Variants in CLDN14 observed in about 807,000 individuals in gnomAD.
The protein encoded by CLDN14 is claudin-14.
A neutral mutation model predicts 2.1 loss-of-function variants in CLDN14; 2 were observed. The ratio of observed to expected loss-of-function variants is 0.96; its 90% CI spans 0.39 to 3.01. CLDN14 has a LOEUF of 3.01. CLDN14 is among the 30% of genes most tolerant of loss of function. CLDN14 has a pLI of 0.09. For synonymous variants in CLDN14, 136 were observed against 154.4 expected (o/e 0.88, Z 0.88); for missense variants, 298 against 328.0 (o/e 0.91, Z 0.71).
intron 1 of CLDN14, among the ~76,000 whole-genome samples, chr21:36,564,779 A>G (rs2087661011): frequency 6.6e-6 from 1 of 152,244 alleles, no homozygotes; most frequent in Non-Finnish European, 1.5e-5. Context: ...AGCCCAATGT[A>G]GTACCAAGGG....
intron 1 of CLDN14, among the ~76,000 whole-genome samples, chr21:36,528,540 G>A (rs2087353280): frequency 6.6e-6 from 1 of 152,134 alleles, no homozygotes; most frequent in Non-Finnish European, 1.5e-5. Flanking sequence ...TTCCTACCAG[G>A]CTTCAGGTCT....
chr21:36,517,936 T>G (rs1388604907), intron 1 of CLDN14, among the ~76,000 whole-genome samples: 1 of 152,196 alleles, frequency 6.6e-6, no homozygotes, highest in Non-Finnish European at 1.5e-5. Flanking sequence ...GACTTCTGCC[T>G]GCAGATGGCC....
chr21:36,535,064 T>C (rs1250145675), intron 1 of CLDN14, among the ~76,000 whole-genome samples: 1 of 152,220 alleles, frequency 6.6e-6, no homozygotes, highest in African/African-American at 2.4e-5. Flanking sequence ...TACAGTGCAT[T>C]GATTCAATAG....
chr21:36,492,975 G>A (rs1240549963), intron 2 of CLDN14, among the ~76,000 whole-genome samples: 1 of 152,206 alleles, frequency 6.6e-6, no homozygotes, highest in Non-Finnish European at 1.5e-5. Context: ...GAGCCACTGT[G>A]TCTTTGTGGG....
At chr21:36,573,291 ACT>A (rs761399516) in intron 1 of CLDN14, among the ~76,000 whole-genome samples, 23 of 120,594 alleles carry the variant, frequency 1.9e-4, no homozygotes, top group Non-Finnish European at 3.1e-4. Flanking sequence ...ACAGAGCAAG[ACT>A]CTGTCTCAAA....
At chr21:36,462,404 C>T (rs1003139316) in intron 1 of CLDN14, among the ~76,000 whole-genome samples, 18 of 152,108 alleles carry the variant, frequency 1.2e-4, no homozygotes, top group African/African-American at 4.1e-4. Context: ...AGCATCCCTC[C>T]TCTCCAGCAC....
rs143202991 is a variant in CLDN14 at position 36,559,172 on chromosome 21, G to GTTTTA, written c.-220+17234_-220+17238dup. On this transcript the variant is annotated intron_variant, in intron 1 of 2. Coordinates refer to the CLDN14 transcript ENST00000342108. ...TTTTCCTATTCCTAGTTTGTTGAGA[G>GTTTTA]TTTTATTTTATTTTATTTTATTTTA... Among the ~76,000 whole-genome samples the GTTTTA allele has an allele frequency of 4.4e-3, 652 of 148,864 alleles. 5 individuals carry two copies. The highest frequency in any genetic ancestry group is 0.01 in the Middle Eastern group (3 of 292).
At chr21:36,528,985 G>A (rs1389613054) in intron 1 of CLDN14, among the ~76,000 whole-genome samples, 1 of 152,178 alleles carries the variant, frequency 6.6e-6, no homozygotes, top group Admixed American at 6.5e-5. Flanking sequence ...ACCTGCCCAG[G>A]AGACTACCCC....
rs34426860 is a variant in CLDN14 at position 36,560,223 on chromosome 21, GTT to G, written c.-220+16186_-220+16187del. 2.8e-3 allele frequency among the ~76,000 whole-genome samples: 396 copies of G among 143,646 alleles called. 1 individual carries two copies. Among genetic ancestry groups the G allele is most frequent in the Middle Eastern group, 7.0e-3 (2 of 286 alleles). The allele number at this position is 143,646 out of a possible 152,430, so 94.2% of individuals were successfully genotyped here. On this transcript the variant is annotated intron_variant, in intron 1 of 2. Coordinates refer to the CLDN14 transcript ENST00000342108. ...CTTTCTATTCCTAGTTTGTTGAGAGGTTTTTTTTTTTTTTGAGACAGATTTTC... is the reference window on the plus strand; with the variant it reads ...CTTTCTATTCCTAGTTTGTTGAGAGGTTTTTTTTTTTTGAGACAGATTTTC...
At chr21:36,545,548 T>C (rs1346173997) in intron 1 of CLDN14, among the ~76,000 whole-genome samples, 1 of 152,218 alleles carries the variant, frequency 6.6e-6, no homozygotes, top group Non-Finnish European at 1.5e-5. Flanking sequence ...TGTGCCTATA[T>C]TTCTCTTAAG....
At chr21:36,484,712 C>CT (rs373280104), upstream of CLDN14, among the ~76,000 whole-genome samples, 35 of 149,848 alleles carry the variant, frequency 2.3e-4, no homozygotes, top group East Asian at 9.8e-4. Flanking sequence ...TTCTAAGAAG[C>CT]TTTTTTTTTT....
At chr21:36,525,965 C>T (rs1237676949) in intron 1 of CLDN14, among the ~76,000 whole-genome samples, 2 of 152,122 alleles carry the variant, frequency 1.3e-5, no homozygotes, top group African/African-American at 4.8e-5. Flanking sequence ...GGAAGCGGCA[C>T]GATGAAGGTA....
At chr21:36,524,158 G>A (rs920791946) in intron 1 of CLDN14, among the ~76,000 whole-genome samples, 5 of 150,404 alleles carry the variant, frequency 3.3e-5, no homozygotes, top group Non-Finnish European at 7.4e-5. Flanking sequence ...TTGCTCTGTC[G>A]CCCAGGCTGG....
At position 36,461,342 on chromosome 21, in the gene CLDN14, G is replaced by T; in HGVS notation, c.354C>A (p.Ala118=). The T allele has an allele frequency of 9.9e-6, 16 of 1,613,574 alleles. No homozygotes were observed. Among genetic ancestry groups the T allele is most frequent in the Non-Finnish European group, 1.4e-5 (16 of 1,179,970 alleles). ...GGATGAAGAGGGTGCCGCCGAGGAT[G>T]GCAAAGGTGGTCTTGGCGGGTGTGC... The part of the protein sequence containing the change: ...AKGTPAKTTF[A]ILGGTLFILA... The change falls in exon 2 of 2, where the codon GCC becomes GCA. Residue 118 remains alanine (A), a synonymous_variant. Transcript: ENST00000399135.
At chr21:36,513,209 T>C (rs1344633101) in intron 1 of CLDN14, among the ~76,000 whole-genome samples, 2 of 152,230 alleles carry the variant, frequency 1.3e-5, no homozygotes, top group African/African-American at 2.4e-5. Context: ...TTGGAGGAAC[T>C]GTCCAGGGGG....
intron 1 of CLDN14, among the ~76,000 whole-genome samples, chr21:36,540,431 A>C (rs548040422): frequency 9.9e-4 from 151 of 152,260 alleles, no homozygotes; most frequent in African/African-American, 3.5e-3. Flanking sequence ...GGGTATGGAG[A>C]GCCAACTGTA....
chr21:36,544,603 C>T lies in CLDN14; in HGVS notation c.-220+31808G>A, dbSNP rs1392185389. Among the ~76,000 whole-genome samples, 2 of 152,184 alleles carry T rather than the reference C, an allele frequency of 1.3e-5. No individual in the cohort carries two copies. Among genetic ancestry groups the T allele is most frequent in the Non-Finnish European group, 2.9e-5 (2 of 68,030 alleles). Reference sequence around the variant, plus strand: ...CCTCCAGAGCACACTCACTCTCAGACGCCCAGGGAGCTAAGCAAAATTTCT... The same window carrying T: ...CCTCCAGAGCACACTCACTCTCAGATGCCCAGGGAGCTAAGCAAAATTTCT... On this transcript the variant is annotated intron_variant, in intron 1 of 2. Coordinates refer to the CLDN14 transcript ENST00000342108. The surrounding 1 kb of genome is among the most constrained non-coding windows in gnomAD (Gnocchi z 4.1).
chr21:36,483,034 G>A (rs73902536), upstream of CLDN14, among the ~76,000 whole-genome samples: 10,182 of 152,264 alleles, frequency 0.067, 442 homozygotes, highest in East Asian at 0.17. Context: ...GAGAAGTGAA[G>A]TCACCCGCCC....
intron 2 of CLDN14, among the ~76,000 whole-genome samples, chr21:36,509,238 A>T (rs1372724743): frequency 1.3e-5 from 2 of 152,190 alleles, no homozygotes; most frequent in Non-Finnish European, 2.9e-5. Flanking sequence ...CTGTGAAGGC[A>T]CTTCCGGTGT....
Sources: allele counts gnomAD v4.1 joint callset (sites outside exome capture counted in the v4.1 genomes callset), GRCh38; gene constraint gnomAD v4.1.1; non-coding constraint Gnocchi (gnomAD v3.1); transcripts MANE v1.5; gene names NCBI Gene and HGNC (gene_info 2026-07-23, HGNC 2026-07-21).